The following SEZ6L variants were observed in gnomAD, a reference collection of about 807,000 sequenced individuals.
SEZ6L encodes the protein seizure related 6 homolog like.
In SEZ6L, 37 loss-of-function variants were observed where a neutral mutation model predicts 106.2. That is an observed-to-expected ratio of 0.35 (90% CI 0.27 to 0.46). The LOEUF is 0.46. SEZ6L is among the 20% of genes least tolerant of loss of function. SEZ6L has a pLI of 1.00. For missense variants in SEZ6L, 1,172 were observed against 1,332.8 expected (o/e 0.88, Z 1.88); for synonymous variants, 541 against 570.4 (o/e 0.95, Z 0.73).
intron 13 of SEZ6L, among the ~76,000 whole-genome samples, chr22:26,369,383 A>G (rs2083937642): frequency 1.0e-5 from 1 of 95,566 alleles, no homozygotes; most frequent in African/African-American, 4.2e-5. Flanking sequence ...TCTGTCCCCC[A>G]GGCTGGAGTG....
intron 1 of SEZ6L, among the ~76,000 whole-genome samples, chr22:26,171,615 C>T (rs939981039): frequency 6.6e-6 from 1 of 152,202 alleles, no homozygotes; most frequent in Admixed American, 6.5e-5. Flanking sequence ...CAGGGGGAGA[C>T]ATGTGTGTGT....
chr22:26,310,536 A>G, intron 6 of SEZ6L, 134 bp from the exon 7 acceptor site: 2 of 999,354 alleles, frequency 2.0e-6, no homozygotes, highest in South Asian at 3.3e-5. Flanking sequence ...AACTCTGTCA[A>G]AAAAAAAGAG....
intron 11 of SEZ6L, 60 bp downstream of exon 11, chr22:26,347,973 C>T: frequency 7.1e-7 from 1 of 1,406,866 alleles, no homozygotes; most frequent in Non-Finnish European, 9.5e-7. Flanking sequence ...TTCTAGGGAT[C>T]TTTTTTTGGT....
At position 26,381,619 on chromosome 22, in the gene SEZ6L, A is replaced by T. The variant is rs951338396; in HGVS notation, c.*1324A>T. 3 of 159,480 alleles carry T rather than the reference A, an allele frequency of 1.9e-5. No individual in the cohort carries two copies. Among genetic ancestry groups the T allele is most frequent in the African/African-American group, 4.8e-5 (2 of 41,630 alleles). The allele number at this position is 159,480 out of a possible 1,614,324, so 9.9% of individuals were successfully genotyped here. A position where few individuals can be genotyped will look rare whatever the true frequency, so the allele number is the denominator to read the frequency against. ...TAGCCCCACATCTAGTCACACGGGCATTCCTCTTATTTTATCAGGGTCTGT... is the reference window on the plus strand; with the variant it reads ...TAGCCCCACATCTAGTCACACGGGCTTTCCTCTTATTTTATCAGGGTCTGT... On this transcript the variant is annotated 3_prime_UTR_variant, in exon 17 of 17. Coordinates refer to ENST00000248933, the MANE Select transcript of SEZ6L (RefSeq NM_021115.5).
chr22:26,174,203 G>C (rs1938819795), intron 1 of SEZ6L, among the ~76,000 whole-genome samples: 1 of 152,108 alleles, frequency 6.6e-6, no homozygotes, highest in African/African-American at 2.4e-5. Flanking sequence ...TCTCACCAGG[G>C]GTGGTCAGTG....
intron 1 of SEZ6L, among the ~76,000 whole-genome samples, chr22:26,215,898 A>G (rs1388473540): frequency 4.6e-5 from 7 of 152,236 alleles, no homozygotes; most frequent in Non-Finnish European, 7.3e-5. Context: ...CAGTGTGAAC[A>G]GCCTGATGTG....
intron 12 of SEZ6L, among the ~76,000 whole-genome samples, chr22:26,364,072 C>A (rs2083725149): frequency 6.6e-6 from 1 of 152,088 alleles, no homozygotes; most frequent in Non-Finnish European, 1.5e-5. Flanking sequence ...ACATAAGTTG[C>A]CCAACAATGT....
At chr22:26,212,376 T>C (rs1031742673) in intron 1 of SEZ6L, among the ~76,000 whole-genome samples, 1 of 152,208 alleles carries the variant, frequency 6.6e-6, no homozygotes, top group African/African-American at 2.4e-5. Flanking sequence ...CTAAAATGAG[T>C]TGGAAACCCC....
At chr22:26,374,643 T>G (rs1275087656) in intron 14 of SEZ6L, among the ~76,000 whole-genome samples, 1 of 152,172 alleles carries the variant, frequency 6.6e-6, no homozygotes, top group Non-Finnish European at 1.5e-5. Flanking sequence ...GTATTAGGAT[T>G]GATTTTTCAG....
At chr22:26,269,113 T>A (rs2080280764) in intron 1 of SEZ6L, among the ~76,000 whole-genome samples, 1 of 152,192 alleles carries the variant, frequency 6.6e-6, no homozygotes, top group Non-Finnish European at 1.5e-5. Flanking sequence ...GCTGTGCTGG[T>A]ATAATGGCAT....
chr22:26,293,045 A>G lies in SEZ6L; in HGVS notation c.734A>G (p.Lys245Arg). The G allele has an allele frequency of 6.2e-7, 1 of 1,614,092 alleles. No individual in the cohort carries two copies. Reference protein sequence around the residue: ...EDTSPMALMDKGENELTGSAS... With the variant: ...EDTSPMALMDRGENELTGSAS... ...ACCAGCCCCATGGCCCTGATGGACA[A>G]AGGTGAGAATGAGCTGACTGGGTCA... Residue 245 changes from lysine to arginine, a missense_variant, in exon 2 of 17, where the codon AAA becomes AGA. Coordinates refer to ENST00000248933, the MANE Select transcript of SEZ6L (RefSeq NM_021115.5).
At chr22:26,316,691 G>A (rs1167835513) in intron 9 of SEZ6L, among the ~76,000 whole-genome samples, 1 of 151,980 alleles carries the variant, frequency 6.6e-6, no homozygotes, top group East Asian at 1.9e-4. Context: ...AATTAGCCAG[G>A]CGTGGTGGTG....
chr22:26,250,769 A>G, intron 1 of SEZ6L, among the ~76,000 whole-genome samples: 1 of 152,178 alleles, frequency 6.6e-6, no homozygotes. Flanking sequence ...TTTTCACAAT[A>G]TTAATTATTT....
At chr22:26,200,252 G>T (rs1940844176) in intron 1 of SEZ6L, among the ~76,000 whole-genome samples, 1 of 152,152 alleles carries the variant, frequency 6.6e-6, no homozygotes. Flanking sequence ...TTGTGTGCGT[G>T]TATGTGTTTG....
chr22:26,224,699 A>T (rs2078585359), intron 1 of SEZ6L, among the ~76,000 whole-genome samples: 1 of 152,208 alleles, frequency 6.6e-6, no homozygotes, highest in African/African-American at 2.4e-5. Context: ...TATGTTTTAG[A>T]AGTCAAGCTG....
chr22:26,291,094 T>C (rs999535136), intron 1 of SEZ6L, among the ~76,000 whole-genome samples: 6 of 152,240 alleles, frequency 3.9e-5, no homozygotes, highest in Non-Finnish European at 7.3e-5. Flanking sequence ...CCATTACATA[T>C]ATACCCAAAG....
chr22:26,301,056 G>C (rs591919), intron 5 of SEZ6L, among the ~76,000 whole-genome samples: 31,678 of 152,152 alleles, frequency 0.21, 3,671 homozygotes, highest in Non-Finnish European at 0.26. Context: ...GTTGCACACC[G>C]TGCCAGAGGC....
chr22:26,316,052 C>CAAA lies in SEZ6L; in HGVS notation c.2015+2157_2015+2159dup, dbSNP rs557963856. Among the ~76,000 whole-genome samples the CAAA allele has an allele frequency of 6.5e-3, 976 of 150,740 alleles. 19 individuals carry two copies. Among genetic ancestry groups the CAAA allele is most frequent in the East Asian group, 0.058 (299 of 5,132 alleles). On this transcript the variant is annotated intron_variant, in intron 9 of 16. Transcript: ENST00000248933. ...TGGGCAACAGAGTAAGACTCTGTCTCAAAAAAAAATAAAAATTCAAATTGA... is the reference window on the plus strand; with the variant it reads ...TGGGCAACAGAGTAAGACTCTGTCTCAAAAAAAAAAAATAAAAATTCAAATTGA...
intron 12 of SEZ6L, among the ~76,000 whole-genome samples, chr22:26,354,199 C>A (rs1184721180): frequency 6.6e-6 from 1 of 152,226 alleles, no homozygotes; most frequent in Non-Finnish European, 1.5e-5. Flanking sequence ...GAAATAGAAT[C>A]TTTGCAGATG....
Sources: allele counts gnomAD v4.1 joint callset (sites outside exome capture counted in the v4.1 genomes callset), GRCh38; gene constraint gnomAD v4.1.1; transcripts MANE v1.5; gene names NCBI Gene and HGNC (gene_info 2026-07-23, HGNC 2026-07-21).